The following CHRM2 variants were observed in gnomAD, a reference collection of about 807,000 sequenced individuals.
The protein encoded by CHRM2 is cholinergic receptor muscarinic 2.
Under a neutral mutation model 25.0 loss-of-function variants are expected in CHRM2, and 8 were observed. That is an observed-to-expected ratio of 0.32 (90% CI 0.19 to 0.58). CHRM2 has a LOEUF of 0.58. Ranked by LOEUF, CHRM2 falls within the 20% of genes least tolerant of loss-of-function variation. The probability of loss-of-function intolerance (pLI) is 0.88; values close to 1 mark genes in which losing one functional copy is unlikely to be tolerated. For missense variants in CHRM2, 440 were observed against 567.1 expected, an observed-to-expected ratio of 0.78 and a Z score of 2.28; for synonymous variants, 202 against 205.7, an observed-to-expected ratio of 0.98 and a Z score of 0.15.
intron 2 of CHRM2, chr7:136,902,307 T>A (rs1168631557): frequency 5.3e-5 from 8 of 151,974 alleles, no homozygotes; most frequent in Non-Finnish European, 7.4e-5. Context: ...GTTATTAAGA[T>A]AATCAGAATT....
chr7:136,872,707 G>C (rs906249835), intron 2 of CHRM2, among the ~76,000 whole-genome samples: 3 of 152,168 alleles, frequency 2.0e-5, no homozygotes, highest in Admixed American at 6.5e-5. Flanking sequence ...GGAGTCCTAT[G>C]TCTCTCTGAC....
chr7:136,935,338 C>G (rs962010326), intron 2 of CHRM2, among the ~76,000 whole-genome samples: 2 of 152,050 alleles, frequency 1.3e-5, no homozygotes, highest in African/African-American at 4.8e-5. Flanking sequence ...TCAGGTAAGG[C>G]AGGGGTCAGA....
intron 3 of CHRM2, among the ~76,000 whole-genome samples, chr7:136,996,388 A>C (rs1024753366): frequency 2.6e-5 from 4 of 152,076 alleles, no homozygotes; most frequent in African/African-American, 9.7e-5. Context: ...AAATCAATAA[A>C]ATTATAGCTA....
At chr7:136,892,907 T>TGATCCACCCGCCTCGGC (rs1796750222) in intron 2 of CHRM2, among the ~76,000 whole-genome samples, 1 of 151,970 alleles carries the variant, frequency 6.6e-6, no homozygotes, top group Non-Finnish European at 1.5e-5. Context: ...TGACCTCAGG[T>TGATCCACCCGCCTCGGC]CTCCCAAAGT....
At chr7:136,990,352 T>C (rs113257631) in intron 2 of CHRM2, among the ~76,000 whole-genome samples, 3,913 of 152,188 alleles carry the variant, frequency 0.026, 180 homozygotes, top group African/African-American at 0.09. Context: ...GCCATAAAAG[T>C]CCTCAATGCT....
At chr7:137,013,298 G>A (rs938246645) in intron 3 of CHRM2, among the ~76,000 whole-genome samples, 2 of 151,814 alleles carry the variant, frequency 1.3e-5, no homozygotes, top group Non-Finnish European at 2.9e-5. Flanking sequence ...TTTGGGTTTT[G>A]TCAAATAAAA....
chr7:136,954,771 G>A (rs570714553), intron 2 of CHRM2, among the ~76,000 whole-genome samples: 1 of 152,194 alleles, frequency 6.6e-6, no homozygotes, highest in Non-Finnish European at 1.5e-5. Flanking sequence ...TTCCATCCTC[G>A]TAGCTGCCAG....
rs1207638376 is a variant in CHRM2, at chr7:137,015,656, A to G, written c.791A>G (p.Lys264Arg). Residue 264 changes from lysine (K) to arginine (R), a missense_variant, in exon 4 of 4, where the codon AAA (lysine) becomes AGA (arginine). Lys to Arg is a conservative substitution (Grantham distance 26). Coordinates refer to ENST00000680005, the MANE Select transcript of CHRM2 (RefSeq NM_001006630.2). The surrounding 1 kb of genome is among the most constrained non-coding windows in gnomAD (Gnocchi z 5.1). ...GLEHNKIQNG[K>R]APRDPVTENC... is the part of the protein sequence containing the mutation. Reference sequence around the variant, plus strand: ...GAGCACAACAAAATCCAGAATGGCAAAGCCCCCAGGGATCCTGTGACTGAA... The same window carrying G: ...GAGCACAACAAAATCCAGAATGGCAGAGCCCCCAGGGATCCTGTGACTGAA... 1 of 1,613,004 alleles carries G rather than the reference A, an allele frequency of 6.2e-7. No individual in the cohort carries two copies. The highest frequency in any genetic ancestry group is 1.7e-5 in the Admixed American group (1 of 59,868).
intron 2 of CHRM2, among the ~76,000 whole-genome samples, chr7:136,970,233 G>A (rs548313562): frequency 3.0e-4 from 46 of 152,104 alleles, no homozygotes; most frequent in African/African-American, 1.1e-3. Flanking sequence ...TGTATTTCTA[G>A]CTTTATATCT....
chr7:136,981,863 T>G (rs1273934280), intron 2 of CHRM2, among the ~76,000 whole-genome samples: 1 of 152,156 alleles, frequency 6.6e-6, no homozygotes, highest in Non-Finnish European at 1.5e-5. Context: ...GTGTTTTACT[T>G]CCAGTTATGT....
intron 3 of CHRM2, among the ~76,000 whole-genome samples, chr7:137,000,665 T>C (rs1803971426): frequency 6.6e-6 from 1 of 151,900 alleles, no homozygotes; most frequent in South Asian, 2.1e-4. Context: ...ACCTTTCCTT[T>C]AAATCACTTC....
intron 2 of CHRM2, among the ~76,000 whole-genome samples, chr7:136,874,640 G>A (rs1795977783): frequency 7.2e-6 from 1 of 139,196 alleles, no homozygotes; most frequent in Admixed American, 8.1e-5. Context: ...TTCAATAACT[G>A]GAAGCACATT....
chr7:136,890,707 T>C (rs1012863314), intron 2 of CHRM2, among the ~76,000 whole-genome samples: 1 of 152,184 alleles, frequency 6.6e-6, no homozygotes, highest in Non-Finnish European at 1.5e-5. Flanking sequence ...GGCTATATGA[T>C]TGATGGTTCT....
chr7:136,967,398 A>G (rs993784983), intron 2 of CHRM2, among the ~76,000 whole-genome samples: 1 of 152,034 alleles, frequency 6.6e-6, no homozygotes, highest in Non-Finnish European at 1.5e-5. Context: ...GAGAAAATGA[A>G]TGTTACTGTA....
intron 2 of CHRM2, among the ~76,000 whole-genome samples, chr7:136,926,845 T>C (rs1166453749): frequency 6.6e-6 from 1 of 152,186 alleles, no homozygotes; most frequent in Non-Finnish European, 1.5e-5. Context: ...TATGGAGACA[T>C]AATTGATGAA....
At chr7:136,893,180 C>T (rs948187439) in intron 2 of CHRM2, among the ~76,000 whole-genome samples, 1 of 152,100 alleles carries the variant, frequency 6.6e-6, no homozygotes, top group African/African-American at 2.4e-5. Flanking sequence ...TCCACACTAC[C>T]CGCTTCCTGT....
intron 2 of CHRM2, among the ~76,000 whole-genome samples, chr7:136,884,270 A>T (rs1796374078): frequency 6.6e-6 from 1 of 152,162 alleles, no homozygotes; most frequent in African/African-American, 2.4e-5. Context: ...GGTCATTAGG[A>T]AACTGTTGTC....
At chr7:136,997,513 G>A (rs777810388) in intron 3 of CHRM2, among the ~76,000 whole-genome samples, 3 of 152,072 alleles carry the variant, frequency 2.0e-5, no homozygotes, top group African/African-American at 4.8e-5. Context: ...ATGTCCAAAC[G>A]CAGATGAAGG....
intron 3 of CHRM2, among the ~76,000 whole-genome samples, chr7:137,011,215 G>GTGTGTGTGTGTGTGTGTGTATA: frequency 7.4e-6 from 1 of 134,286 alleles, no homozygotes. Flanking sequence ...GTGTGTGTGT[G>GTGTGTGTGTGTGTGTGTGTATA]TATATATATA....
Sources: allele counts gnomAD v4.1 joint callset (sites outside exome capture counted in the v4.1 genomes callset), GRCh38; gene constraint gnomAD v4.1.1; non-coding constraint Gnocchi (gnomAD v3.1); transcripts MANE v1.5; gene names NCBI Gene and HGNC (gene_info 2026-07-23, HGNC 2026-07-21).